The following DIP2C variants were observed in gnomAD, a reference collection of about 807,000 sequenced individuals.
DIP2C encodes disco-interacting protein 2 homolog C.
DIP2C carries 33 observed loss-of-function variants against 192.4 expected under a neutral mutation model. The observed-to-expected ratio is 0.17, with a 90% CI of 0.13 to 0.23. The LOEUF (loss-of-function observed/expected upper bound fraction) is 0.23. Among genes scored for constraint, DIP2C ranks in the 10% least tolerant of loss-of-function variants. The pLI, the probability that DIP2C is intolerant of heterozygous loss-of-function variation, is 1.00. For missense variants in DIP2C, 1,537 were observed against 2,110.1 expected (o/e 0.73, Z 5.32); for synonymous variants, 979 against 864.1 (o/e 1.13, Z -2.33).
intron 1 of DIP2C, among the ~76,000 whole-genome samples, chr10:487,013 T>C (rs1844064923): frequency 6.6e-6 from 1 of 151,948 alleles, no homozygotes; most frequent in South Asian, 2.1e-4. Context: ...GAAAAAGGAG[T>C]GACAAAGGCT....
intron 32 of DIP2C, among the ~76,000 whole-genome samples, chr10:303,202 C>T (rs774039013): frequency 7.2e-5 from 11 of 152,168 alleles, no homozygotes; most frequent in Non-Finnish European, 1.3e-4. Context: ...ACATCATCCA[C>T]GTGCGGCTGT....
At chr10:383,962 C>CG in intron 16 of DIP2C, 65 bp downstream of exon 16, 2 of 1,230,468 alleles carry the variant, frequency 1.6e-6, no homozygotes, top group Non-Finnish European at 2.1e-6. Flanking sequence ...GCCTGCCTCA[C>CG]GAAAAAAAAA....
intron 31 of DIP2C, among the ~76,000 whole-genome samples, chr10:319,756 G>A (rs890184812): frequency 4.6e-5 from 7 of 152,014 alleles, no homozygotes; most frequent in African/African-American, 1.5e-4. Flanking sequence ...CCAGCTAAAG[G>A]TACTGGGAAA....
At chr10:371,062 T>TC (rs1564626904) in intron 17 of DIP2C, among the ~76,000 whole-genome samples, 1 of 152,134 alleles carries the variant, frequency 6.6e-6, no homozygotes, top group Admixed American at 6.5e-5. Flanking sequence ...CTTTCCATTA[T>TC]CCTCCTGGCC....
intron 1 of DIP2C, among the ~76,000 whole-genome samples, chr10:552,178 ATC>A (rs1177543781): frequency 6.6e-6 from 1 of 152,256 alleles, no homozygotes; most frequent in African/African-American, 2.4e-5. Flanking sequence ...ATGGCAACTA[ATC>A]TGAGATTTAC....
chr10:292,355 C>T (rs1955534907), intron 32 of DIP2C, among the ~76,000 whole-genome samples: 2 of 152,244 alleles, frequency 1.3e-5, no homozygotes, highest in African/African-American at 4.8e-5. Flanking sequence ...CTCTGTCTCA[C>T]CCCTTATTTC....
At chr10:473,221 A>T (rs1269930317) in intron 2 of DIP2C, among the ~76,000 whole-genome samples, 1 of 152,228 alleles carries the variant, frequency 6.6e-6, no homozygotes, top group East Asian at 1.9e-4. Flanking sequence ...CCTGTCACAT[A>T]TTGATTACAT....
At chr10:309,861 A>G (rs964417330) in intron 32 of DIP2C, among the ~76,000 whole-genome samples, 170 bp downstream of exon 32, 2 of 152,096 alleles carry the variant, frequency 1.3e-5, no homozygotes, top group African/African-American at 2.4e-5. Flanking sequence ...AGAGTTTTCA[A>G]TTGCAAAGTT....
Position 326,993 on chromosome 10 carries a change from C to T in DIP2C, c.3924+13G>A, listed in dbSNP as rs1393970095. On this transcript the variant is annotated intron_variant, in intron 31 of 36. Transcript: ENST00000280886. Reference sequence around the variant, plus strand: ...CACTTCCCACTCAGCACTGTGATGTCGCCGAATCTCACCTGCAAGCAAATC... The same window carrying T: ...CACTTCCCACTCAGCACTGTGATGTTGCCGAATCTCACCTGCAAGCAAATC... The T allele has an allele frequency of 1.8e-5, 29 of 1,604,978 alleles. No individual in the cohort carries two copies. The highest frequency in any genetic ancestry group is 2.7e-5 in the African/African-American group (2 of 74,868).
chr10:315,267 T>C (rs543894966), intron 31 of DIP2C, among the ~76,000 whole-genome samples: 16 of 152,274 alleles, frequency 1.1e-4, no homozygotes, highest in Admixed American at 2.0e-4. Flanking sequence ...AATATTTACA[T>C]GTCTACATAT....
At chr10:320,716 C>G (rs995511798) in intron 31 of DIP2C, among the ~76,000 whole-genome samples, 6 of 152,016 alleles carry the variant, frequency 3.9e-5, no homozygotes, top group African/African-American at 1.2e-4. Flanking sequence ...GCCAGGAGTT[C>G]AAGACCAGCC....
chr10:282,386 C>T (rs1182988145), intron 35 of DIP2C, among the ~76,000 whole-genome samples: 1 of 152,194 alleles, frequency 6.6e-6, no homozygotes, highest in Non-Finnish European at 1.5e-5. Context: ...AAATGTCATG[C>T]CAGGATATTT....
At chr10:603,151 TATAC>T (rs1443172059) in intron 1 of DIP2C, among the ~76,000 whole-genome samples, 4 of 151,880 alleles carry the variant, frequency 2.6e-5, no homozygotes, top group Non-Finnish European at 4.4e-5. Flanking sequence ...AGAGTTTTCA[TATAC>T]TAAGTATATA....
At chr10:445,776 T>A (rs1470269026) in intron 3 of DIP2C, among the ~76,000 whole-genome samples, 2 of 151,946 alleles carry the variant, frequency 1.3e-5, no homozygotes, top group African/African-American at 4.8e-5. Context: ...CCACTGGGCA[T>A]CTCTATACAT....
chr10:521,316 C>T (rs1027089689), intron 1 of DIP2C, among the ~76,000 whole-genome samples: 6 of 152,190 alleles, frequency 3.9e-5, no homozygotes, highest in South Asian at 4.1e-4. Context: ...GTGAGGATTA[C>T]GAGCAGCCTG....
chr10:526,801 G>A (rs529268943), intron 1 of DIP2C, among the ~76,000 whole-genome samples: 12 of 152,168 alleles, frequency 7.9e-5, no homozygotes, highest in South Asian at 4.2e-4. Context: ...TCTTTCCTCC[G>A]TCCCGCCAGC....
At chr10:425,040 G>A (rs1284570530) in intron 4 of DIP2C, among the ~76,000 whole-genome samples, 254 of 128,082 alleles carry the variant, frequency 2.0e-3, no homozygotes, top group East Asian at 5.0e-3. Flanking sequence ...GATACAGCAT[G>A]ACCAGCGGTG....
intron 5 of DIP2C, 126 bp downstream of exon 5, chr10:422,698 C>CA: frequency 8.5e-7 from 1 of 1,182,662 alleles, no homozygotes; most frequent in Non-Finnish European, 1.2e-6. Flanking sequence ...CAAAGCACCC[C>CA]AGGGGCCAGA....
At chr10:304,293 A>AT (rs895923687) in intron 32 of DIP2C, among the ~76,000 whole-genome samples, 1 of 152,134 alleles carries the variant, frequency 6.6e-6, no homozygotes, top group African/African-American at 2.4e-5. Flanking sequence ...TTTCACAGGA[A>AT]TTTTTCAGCT....
Sources: allele counts gnomAD v4.1 joint callset (sites outside exome capture counted in the v4.1 genomes callset), GRCh38; gene constraint gnomAD v4.1.1; transcripts MANE v1.5; gene names NCBI Gene and HGNC (gene_info 2026-07-23, HGNC 2026-07-21).